YIPF2: variants seen among roughly 807,000 people sequenced by gnomAD.
YIPF2 encodes the protein protein YIPF2.
YIPF2 carries 30 observed loss-of-function variants against 38.8 expected under a neutral mutation model. That is an observed-to-expected ratio of 0.77 (90% CI 0.58 to 1.05). The LOEUF is 1.05. YIPF2 is among the 50% of genes least tolerant of loss of function. YIPF2 has a pLI of 0.00. For missense variants in YIPF2, 401 were observed against 409.7 expected (o/e 0.98, Z 0.18); for synonymous variants, 194 against 183.8 (o/e 1.06, Z -0.45).
chr19:10,926,295 C>T (rs1468360294), intron 4 of YIPF2, among the ~76,000 whole-genome samples: 1 of 150,892 alleles, frequency 6.6e-6, no homozygotes, highest in African/African-American at 2.4e-5. Context: ...GGTGCCATCT[C>T]GGCTCACTGC....
chr19:10,923,251 C>T (rs2145259678), intron 9 of YIPF2, 21 bp downstream of exon 9: 2 of 1,562,058 alleles, frequency 1.3e-6, no homozygotes, highest in Non-Finnish European at 1.7e-6. Context: ...CCCCCTTAGC[C>T]CAGCTGGGAA....
At chr19:10,923,432 G>A (rs931376208) in intron 8 of YIPF2, 25 bp from the exon 9 acceptor site, 14 of 1,613,258 alleles carry the variant, frequency 8.7e-6, no homozygotes, top group Admixed American at 3.3e-5. Flanking sequence ...TGGGGTCAGA[G>A]GCAGGGCCAG....
At chr19:10,924,253 T>C in intron 5 of YIPF2, 61 bp from the exon 6 acceptor site, 1 of 1,473,476 alleles carries the variant, frequency 6.8e-7, no homozygotes, top group Non-Finnish European at 9.3e-7. Flanking sequence ...AGCAGACATG[T>C]ATCCTGACTG....
Position 10,924,137 on chromosome 19 carries a change from C to A in YIPF2, c.423G>T (p.Leu141=), listed in dbSNP as rs114318130. Residue 141 remains leucine (L), a synonymous_variant, in exon 6 of 10, where the codon CTG becomes CTT. Transcript: ENST00000586748. The part of the protein sequence containing the change: ...LAFVLAVTGN[L]TLVLAQRRDP... Reference sequence around the variant, plus strand: ...CCCTCCTCTGGGCCAGCACCAGCGTCAGGTTGCCAGTGACGGCCAGGACAA... The same window carrying A: ...CCCTCCTCTGGGCCAGCACCAGCGTAAGGTTGCCAGTGACGGCCAGGACAA... 2,154 of 1,613,672 alleles carry A rather than the reference C, an allele frequency of 1.3e-3. 29 individuals are homozygous for A. In the African/African-American group the frequency reaches 0.026, roughly 19 times the overall value.
intron 4 of YIPF2, among the ~76,000 whole-genome samples, chr19:10,926,281 C>A (rs1885563560): frequency 1.3e-5 from 2 of 150,392 alleles, no homozygotes; most frequent in South Asian, 4.2e-4. Flanking sequence ...GGCTGGAGTG[C>A]AGTGGTGCCA....
At chr19:10,924,260 A>C (rs1192217879) in intron 5 of YIPF2, 68 bp from the exon 6 acceptor site, 37 of 1,440,444 alleles carry the variant, frequency 2.6e-5, no homozygotes, top group Non-Finnish European at 3.2e-5. Context: ...ATGTATCCTG[A>C]CTGAGCTGTG....
chr19:10,923,057 T>A lies in YIPF2; in HGVS notation c.*137A>T, dbSNP rs1387629498. ...ATCACCTTTGCATAGAAAATAAAAG[T>A]GTTTGCTTTGTAAGAAAAGTCTGGA... On this transcript the variant is annotated 3_prime_UTR_variant, in exon 10 of 10. Coordinates refer to ENST00000586748, the MANE Select transcript of YIPF2 (RefSeq NM_001321439.2). The A allele has an allele frequency of 2.0e-6, 1 of 489,476 alleles. No homozygotes were observed. Among genetic ancestry groups the A allele is most frequent in the South Asian group, 3.1e-5 (1 of 32,428 alleles). 30.3% of individuals were successfully genotyped at this position (489,476 alleles called of 1,614,324 possible).
At chr19:10,927,549 A>G (rs2083445537) in intron 4 of YIPF2, 81 bp downstream of exon 4, 1 of 1,554,722 alleles carries the variant, frequency 6.4e-7, no homozygotes, top group Non-Finnish European at 8.7e-7. Context: ...ACCCACCATC[A>G]CCAGCACCCT....
intron 9 of YIPF2, 30 bp downstream of exon 9, chr19:10,923,242 C>A: frequency 1.3e-6 from 2 of 1,533,154 alleles, no homozygotes; most frequent in Non-Finnish European, 1.8e-6. Context: ...GGAGGGCAGC[C>A]CCCTTAGCCC....
rs953721971 is a variant in YIPF2, at chr19:10,923,319, G to A, written c.923C>T (p.Thr308Ile). 1.9e-6 allele frequency: 3 copies of A among 1,612,704 alleles called. No individual in the cohort carries two copies. Among genetic ancestry groups the A allele is most frequent in the Non-Finnish European group, 1.7e-6 (2 of 1,179,472 alleles). Residue 308 changes from threonine to isoleucine, a missense_variant, in exon 9 of 10, where the codon ACC becomes ATC. Transcript: ENST00000586748. ...SLPSNIALSP[T>I]LPQSLAPS ...GGAGGGGGCCAGGGACTGCGGCAAG[G>A]TAGGGGACAGCGCGATGTTTGAGGG... is the stretch of plus-strand genomic sequence containing the variant.
intron 2 of YIPF2, 49 bp downstream of exon 2, chr19:10,928,325 AGGTTCT>A (rs2083458951): frequency 7.6e-7 from 1 of 1,319,876 alleles, no homozygotes; most frequent in Admixed American, 3.7e-5. Context: ...TATCGGGGGG[AGGTTCT>A]GGCCCGGGGC....
chr19:10,928,248 G>T, intron 2 of YIPF2, 132 bp downstream of exon 2: 21 of 1,159,054 alleles, frequency 1.8e-5, no homozygotes, highest in Non-Finnish European at 2.4e-5. Flanking sequence ...TCGAGTCAGA[G>T]ATGGGTCTCA....
In YIPF2 at chr19:10,927,828, C is replaced by T. The variant is rs777296949; in HGVS notation, c.163G>A (p.Glu55Lys). 7 of 1,609,412 alleles carry T rather than the reference C, an allele frequency of 4.3e-6. No homozygotes were observed. Among genetic ancestry groups the T allele is most frequent in the Admixed American group, 1.7e-5 (1 of 59,980 alleles). The change falls in exon 3 of 10, where the codon GAG (glutamate) becomes AAG (lysine). Residue 55 changes from glutamate to lysine, a missense_variant. Glu to Lys is a moderately conservative substitution (Grantham distance 56). Coordinates refer to ENST00000586748, the MANE Select transcript of YIPF2 (RefSeq NM_001321439.2). ...GSGGSYGAED[E>K]VEEESDKAAL... The stretch of plus-strand genomic sequence containing the variant: ...GCCTTGTCACTCTCCTCCTCCACCT[C>T]ATCCTCGGCTCCATAGCTGCCACCT...
intron 5 of YIPF2, among the ~76,000 whole-genome samples, chr19:10,925,321 G>A (rs755457870): frequency 1.3e-5 from 2 of 151,876 alleles, no homozygotes; most frequent in Admixed American, 6.6e-5. Context: ...CAGCTCACTC[G>A]CTCCAGTGGT....
chr19:10,925,908 T>G (rs565268529), intron 4 of YIPF2, 135 bp from the exon 5 acceptor site: 4 of 431,040 alleles, frequency 9.3e-6, no homozygotes, highest in Non-Finnish European at 1.5e-5. Context: ...TCCCTCTCTT[T>G]TTTTTTTTTT....
chr19:10,928,107 A>T (rs183832395), intron 2 of YIPF2, 148 bp from the exon 3 acceptor site: 51 of 1,195,268 alleles, frequency 4.3e-5, no homozygotes, highest in Non-Finnish European at 5.4e-5. Flanking sequence ...CTCAGTTTGG[A>T]GGCATCCGGA....
At chr19:10,926,428 G>GTGT (rs970932785) in intron 4 of YIPF2, among the ~76,000 whole-genome samples, 1 of 150,766 alleles carries the variant, frequency 6.6e-6, no homozygotes, top group African/African-American at 2.4e-5. Context: ...GGGTTTCACC[G>GTGT]TGTTAGCCAG....
chr19:10,923,777 G>T, intron 7 of YIPF2, 56 bp downstream of exon 7: 1 of 1,589,008 alleles, frequency 6.3e-7, no homozygotes, highest in South Asian at 1.1e-5. Flanking sequence ...GGCGGCAGGT[G>T]ACCATGCCAG....
At position 10,923,267 on chromosome 19, in the gene YIPF2, C is replaced by T. The variant is rs766168799; in HGVS notation, c.*19+5G>A. 6.3e-7 allele frequency: 1 copy of T among 1,598,584 alleles called. No homozygotes were observed. The highest frequency in any genetic ancestry group is 1.3e-5 in the African/African-American group (1 of 74,172). On this transcript the variant is annotated splice_donor_5th_base_variant and intron_variant, in intron 9 of 9. Transcript: ENST00000586748. The stretch of plus-strand genomic sequence containing the variant: ...CCCCTTAGCCCAGCTGGGAATAGTC[C>T]TTACCTGTGGGACCCGGGCCTTCCT...
Sources: gnomAD v4.1 joint callset for allele counts (sites outside exome capture counted in the v4.1 genomes callset) on GRCh38, gnomAD v4.1.1 for gene constraint, MANE v1.5 for transcripts, NCBI Gene and HGNC (gene_info 2026-07-23, HGNC 2026-07-21) for gene names.